Variants in FAT3 observed in about 807,000 individuals in gnomAD.
The protein encoded by FAT3 is FAT atypical cadherin 3.
In FAT3, 95 loss-of-function variants were observed where a neutral mutation model predicts 310.2. The ratio of observed to expected loss-of-function variants is 0.31; its 90% CI spans 0.26 to 0.36. FAT3 has a LOEUF of 0.36. Ranked by LOEUF, FAT3 falls within the 10% of genes least tolerant of loss-of-function variation. The pLI, the probability that FAT3 is intolerant of heterozygous loss-of-function variation, is 1.00. For missense variants in FAT3, 5,408 were observed against 5,715.6 expected (o/e 0.95, Z 1.74); for synonymous variants, 2,314 against 2,192.9 (o/e 1.06, Z -1.54).
chr11:92,889,302 TTTGGACTAGGAGTGATTTTAATGGA>T, intron 26 of FAT3, 54 bp downstream of exon 26: 1 of 674,726 alleles, frequency 1.5e-6, no homozygotes, highest in East Asian at 2.8e-5. Flanking sequence ...TCCTTGTTAC[TTTGGACTAGGAGTGATTTTAATGGA>T]TTGGCCACAG....
At chr11:92,433,807 G>A (rs1408781287) in intron 2 of FAT3, among the ~76,000 whole-genome samples, 1 of 151,796 alleles carries the variant, frequency 6.6e-6, no homozygotes, top group Non-Finnish European at 1.5e-5. Context: ...TCAGGAGATT[G>A]AGACCATTCT....
intron 4 of FAT3, among the ~76,000 whole-genome samples, chr11:92,710,347 A>G (rs1432908583): frequency 6.6e-6 from 1 of 152,186 alleles, no homozygotes; most frequent in South Asian, 2.1e-4. Flanking sequence ...TTTTCTCTTC[A>G]TGGTATATGG....
At chr11:92,344,223 A>G (rs1264965133) in intron 1 of FAT3, among the ~76,000 whole-genome samples, 1 of 152,188 alleles carries the variant, frequency 6.6e-6, no homozygotes, top group Non-Finnish European at 1.5e-5. Context: ...GTCCCAACAT[A>G]TCAAATGGAA....
intron 1 of FAT3, among the ~76,000 whole-genome samples, chr11:92,227,552 C>T (rs1262726384): frequency 1.3e-5 from 2 of 152,098 alleles, no homozygotes; most frequent in East Asian, 1.9e-4. Flanking sequence ...TCTTCTCCAC[C>T]AGCAGACACT....
chr11:92,874,810 A>AT (rs1289687133), intron 22 of FAT3, among the ~76,000 whole-genome samples: 1 of 152,182 alleles, frequency 6.6e-6, no homozygotes, highest in Non-Finnish European at 1.5e-5. Context: ...AAATGCTGGC[A>AT]TTACAGGCAT....
At chr11:92,464,370 A>T (rs977268146) in intron 2 of FAT3, among the ~76,000 whole-genome samples, 1 of 152,172 alleles carries the variant, frequency 6.6e-6, no homozygotes, top group Non-Finnish European at 1.5e-5. Context: ...ATCTTCAAAT[A>T]TCTGAAGGCA....
rs780851599 is a variant in FAT3 at position 92,882,894 on chromosome 11, C to A, written c.12438C>A (p.Gly4146=). 5.0e-6 allele frequency: 8 copies of A among 1,612,534 alleles called. No individual in the cohort carries two copies. In the Admixed American group the frequency reaches 1.3e-4, roughly 27 times the overall value. Residue 4146 remains glycine, a synonymous_variant, in exon 24 of 28, where the codon GGC becomes GGA. Transcript: ENST00000525166. ...RPVVVPNIQA[G]HSYVGKEELI... ...TGGTGGTACCCAATATCCAGGCTGG[C>A]CACTCCTACGTGGGGAAGGAGGAGC...
chr11:92,306,609 T>C (rs1253920391), intron 1 of FAT3, among the ~76,000 whole-genome samples: 3 of 127,476 alleles, frequency 2.4e-5, no homozygotes, highest in Non-Finnish European at 4.8e-5. Flanking sequence ...TATATATTTA[T>C]ATTATATATT....
intron 3 of FAT3, among the ~76,000 whole-genome samples, chr11:92,686,510 T>C (rs563181955): frequency 6.6e-6 from 1 of 152,194 alleles, no homozygotes; most frequent in South Asian, 2.1e-4. Flanking sequence ...GGAACTGTTA[T>C]ATATTCTCAG....
intron 3 of FAT3, among the ~76,000 whole-genome samples, chr11:92,655,695 GTGTT>G (rs1942553978): frequency 6.6e-6 from 1 of 152,106 alleles, no homozygotes; most frequent in Admixed American, 6.5e-5. Context: ...ACTTCCCAGT[GTGTT>G]TGCCTTGAAT....
chr11:92,818,444 A>G (rs1336632675), intron 13 of FAT3, among the ~76,000 whole-genome samples: 1 of 152,142 alleles, frequency 6.6e-6, no homozygotes, highest in African/African-American at 2.4e-5. Context: ...TCCATAGTGG[A>G]GGCATGCAAA....
intron 2 of FAT3, among the ~76,000 whole-genome samples, chr11:92,521,945 A>G (rs1953699765): frequency 6.6e-6 from 1 of 151,992 alleles, no homozygotes; most frequent in African/African-American, 2.4e-5. Context: ...TCCCCTCAGT[A>G]CAGATCTCCT....
intron 1 of FAT3, among the ~76,000 whole-genome samples, chr11:92,226,720 C>T (rs1471020437): frequency 6.6e-6 from 1 of 152,116 alleles, no homozygotes; most frequent in African/African-American, 2.4e-5. Flanking sequence ...GCCGGTGGCT[C>T]TGGCACGCGG....
chr11:92,486,384 C>T (rs1190859883), intron 2 of FAT3, among the ~76,000 whole-genome samples: 4 of 151,042 alleles, frequency 2.6e-5, no homozygotes, highest in Non-Finnish European at 4.4e-5. Context: ...TTTTTTTACA[C>T]GTGTCTGCTA....
chr11:92,636,402 C>T (rs1360383411), intron 3 of FAT3, among the ~76,000 whole-genome samples: 2 of 152,192 alleles, frequency 1.3e-5, no homozygotes, highest in East Asian at 3.9e-4. Flanking sequence ...ATTACCTTAT[C>T]CTTAATCCAT....
intron 3 of FAT3, among the ~76,000 whole-genome samples, chr11:92,619,104 T>G: frequency 6.6e-6 from 1 of 152,206 alleles, no homozygotes; most frequent in East Asian, 1.9e-4. Flanking sequence ...GGTCATGCGG[T>G]TTTGTCTTTT....
chr11:92,884,902 A>G (rs552236364), intron 24 of FAT3, among the ~76,000 whole-genome samples: 550 of 152,300 alleles, frequency 3.6e-3, no homozygotes, highest in Non-Finnish European at 6.3e-3. Flanking sequence ...CAGGCCTCCA[A>G]AAGAACCCTG....
At chr11:92,594,997 A>ATGTG (rs56275316) in intron 3 of FAT3, among the ~76,000 whole-genome samples, 3,346 of 149,280 alleles carry the variant, frequency 0.022, 94 homozygotes, top group African/African-American at 0.067. Flanking sequence ...TCATGAATAA[A>ATGTG]TGTGTGTGTG....
chr11:92,814,073 C>T (rs146427481), intron 13 of FAT3, among the ~76,000 whole-genome samples: 115 of 152,272 alleles, frequency 7.6e-4, no homozygotes, highest in African/African-American at 2.5e-3. Context: ...TCAAATAGAA[C>T]GTGCCCCCAC....
Sources: allele counts gnomAD v4.1 joint callset (sites outside exome capture counted in the v4.1 genomes callset), GRCh38; gene constraint gnomAD v4.1.1; transcripts MANE v1.5; gene names NCBI Gene and HGNC (gene_info 2026-07-23, HGNC 2026-07-21).